INO80D: variants seen among roughly 807,000 people sequenced by gnomAD.
INO80D encodes the protein INO80 complex subunit D.
INO80D carries 21 observed loss-of-function variants against 87.6 expected under a neutral mutation model. That is an observed-to-expected ratio of 0.24 (90% CI 0.17 to 0.35). The LOEUF (loss-of-function observed/expected upper bound fraction) is 0.35. Among genes scored for constraint, INO80D ranks in the 10% least tolerant of loss-of-function variants. The pLI is 1.00. For missense variants in INO80D, 982 were observed against 1,280.7 expected (o/e 0.77, Z 3.56); for synonymous variants, 440 against 491.0 (o/e 0.90, Z 1.37).
At chr2:206,057,055 C>G in intron 3 of INO80D, 112 bp from the exon 4 acceptor site, 1 of 1,055,160 alleles carries the variant, frequency 9.5e-7, no homozygotes, top group South Asian at 1.7e-5. Flanking sequence ...TATAGTGACT[C>G]TTGGCAGCCA....
At chr2:206,030,746 A>AT (rs1449731000) in intron 5 of INO80D, among the ~76,000 whole-genome samples, 2 of 152,216 alleles carry the variant, frequency 1.3e-5, no homozygotes, top group Non-Finnish European at 2.9e-5. Context: ...AAGACTTGTA[A>AT]TTTTTTAAAT....
chr2:206,037,104 C>T (rs1003101143), intron 5 of INO80D, among the ~76,000 whole-genome samples: 1 of 152,140 alleles, frequency 6.6e-6, no homozygotes, highest in African/African-American at 2.4e-5. Flanking sequence ...TGTTTCCTTC[C>T]TTCTTTCTTT....
rs1022711951 is a variant in INO80D at position 206,085,540 on chromosome 2, G to A, written c.-124+361C>T. The A allele has an allele frequency of 6.7e-6, 1 of 150,152 alleles. No individual in the cohort carries two copies. The highest frequency in any genetic ancestry group is 2.4e-5 in the African/African-American group (1 of 41,136). 9.3% of individuals were successfully genotyped at this position (150,152 alleles called of 1,614,324 possible). A position where few individuals can be genotyped will look rare whatever the true frequency, so the allele number is the denominator to read the frequency against. ...GGCGCGCGGAGGCCCGGGGTGCGGG[G>A]GCAGGGCGCGGCTGCCGTGGGGCCT... is the stretch of plus-strand genomic sequence containing the variant. On this transcript the variant is annotated intron_variant, in intron 1 of 10. Transcript: ENST00000403263. The surrounding 1 kb of genome is among the most constrained non-coding windows in gnomAD (Gnocchi z 4.5).
In INO80D at chr2:206,026,858, G is replaced by A. The variant is rs763262624; in HGVS notation, c.1298+1253C>T. ...ACATTTCTGATATACAGATTTTCAC[G>A]AATGGAATATTATGTAAACATTATA... On this transcript the variant is annotated intron_variant, in intron 6 of 10. Coordinates refer to ENST00000403263, the MANE Select transcript of INO80D (RefSeq NM_017759.5). Among the ~76,000 whole-genome samples, 73 of 151,916 alleles carry A rather than the reference G, an allele frequency of 4.8e-4. 1 individual carries two copies. The highest frequency in any genetic ancestry group is 7.7e-4 in the Non-Finnish European group (52 of 67,942).
At position 206,003,950 on chromosome 2, in the gene INO80D, GGA is replaced by G; in HGVS notation, c.*416_*417del. On this transcript the variant is annotated 3_prime_UTR_variant, in exon 11 of 11. Coordinates refer to ENST00000403263, the MANE Select transcript of INO80D (RefSeq NM_017759.5). The stretch of plus-strand genomic sequence containing the variant: ...CACACCATTTGCTGTCTCTTATACA[GGA>G]ACTCAATTAATAAGATCATTCTATC... The G allele has an allele frequency of 2.1e-5, 4 of 187,442 alleles. No individual in the cohort carries two copies. Among genetic ancestry groups the G allele is most frequent in the South Asian group, 1.3e-4 (1 of 7,938 alleles). The allele number at this position is 187,442 out of a possible 1,614,324, so 11.6% of individuals were successfully genotyped here. A position where few individuals can be genotyped will look rare whatever the true frequency, so the allele number is the denominator to read the frequency against.
intron 4 of INO80D, among the ~76,000 whole-genome samples, chr2:206,050,700 G>A (rs1689334425): frequency 6.6e-6 from 1 of 152,064 alleles, no homozygotes; most frequent in African/African-American, 2.4e-5. Flanking sequence ...CGGGCGCGGT[G>A]GCTCACGCCT....
chr2:206,005,625 G>A (rs908841853), intron 10 of INO80D, 92 bp from the exon 11 acceptor site: 13 of 990,828 alleles, frequency 1.3e-5, no homozygotes, highest in African/African-American at 3.3e-5. Context: ...AACAATATTC[G>A]ATTTAAAGAG....
chr2:206,082,839 G>T (rs918215697), intron 1 of INO80D, among the ~76,000 whole-genome samples: 2 of 152,090 alleles, frequency 1.3e-5, no homozygotes, highest in African/African-American at 4.8e-5. Flanking sequence ...TTAATTTTGG[G>T]TGCTCTCAGA....
intron 8 of INO80D, among the ~76,000 whole-genome samples, chr2:206,014,522 G>A (rs1002862293): frequency 3.9e-5 from 6 of 152,092 alleles, no homozygotes; most frequent in Non-Finnish European, 8.8e-5. Flanking sequence ...TGCCCTGCAC[G>A]AGCTCTTTTT....
At chr2:206,013,171 T>G (rs1462735090) in intron 8 of INO80D, among the ~76,000 whole-genome samples, 1 of 152,174 alleles carries the variant, frequency 6.6e-6, no homozygotes, top group Non-Finnish European at 1.5e-5. Flanking sequence ...GTCTTAGGTT[T>G]GCCTCATTGA....
intron 5 of INO80D, among the ~76,000 whole-genome samples, chr2:206,043,428 C>T (rs537266076): frequency 1.3e-5 from 2 of 151,706 alleles, no homozygotes; most frequent in South Asian, 4.2e-4. Context: ...CTTCGGCCTC[C>T]CAAAGTGCTG....
In INO80D at chr2:206,009,042, G is replaced by T. The variant is rs72951155; in HGVS notation, c.1760+535C>A. 9.8e-3 allele frequency among the ~76,000 whole-genome samples: 1,489 copies of T among 152,346 alleles called. 13 individuals are homozygous for T. The highest frequency in any genetic ancestry group is 0.044 in the Middle Eastern group (13 of 294). On this transcript the variant is annotated intron_variant, in intron 9 of 10. Transcript: ENST00000403263. ...AAAAGTTAAGAGACTAGGTATAGTGGTTCATGCCTGTATTCCCAGCACTTT... is the reference window on the plus strand; with the variant it reads ...AAAAGTTAAGAGACTAGGTATAGTGTTTCATGCCTGTATTCCCAGCACTTT...
intron 5 of INO80D, among the ~76,000 whole-genome samples, chr2:206,033,667 C>T (rs1688824417): frequency 6.6e-6 from 1 of 152,110 alleles, no homozygotes; most frequent in Non-Finnish European, 1.5e-5. Context: ...TCTAAGGTCA[C>T]ACCTCAAGGA....
Position 206,019,748 on chromosome 2 carries a change from G to A in INO80D, c.1396C>T (p.His466Tyr). The part of the protein sequence containing the change: ...CANKALPFTR[H>Y]CFQHILLNHS... ...GTTGAAAGGATACGTTGGAAACAAT[G>A]TCTGGTGAATGGAAGGGCTTTGTTA... Residue 466 changes from histidine to tyrosine, a missense_variant, in exon 7 of 11, where the codon CAT becomes TAT. Physicochemically the swap from His to Tyr is moderately conservative, Grantham distance 83. Coordinates refer to ENST00000403263, the MANE Select transcript of INO80D (RefSeq NM_017759.5). The A allele has an allele frequency of 6.2e-7, 1 of 1,613,306 alleles. No homozygotes were observed. Among genetic ancestry groups the A allele is most frequent in the Admixed American group, 1.7e-5 (1 of 59,976 alleles).
intron 10 of INO80D, 62 bp from the exon 11 acceptor site, chr2:206,005,595 C>T: frequency 8.1e-7 from 1 of 1,240,868 alleles, no homozygotes; most frequent in Non-Finnish European, 1.1e-6. Context: ...TCACAAAAAT[C>T]ACACATTTGA....
Position 206,062,761 on chromosome 2 carries a change from A to G in INO80D, c.218+38T>C. 1.3e-6 allele frequency: 2 copies of G among 1,525,464 alleles called. No individual in the cohort carries two copies. The highest frequency in any genetic ancestry group is 1.9e-4 in the Middle Eastern group (1 of 5,198). The allele number at this position is 1,525,464 out of a possible 1,614,324, so 94.5% of individuals were successfully genotyped here. ...GAAAAGAAAAAATTCCAAGCCTGTT[A>G]ATGAAATCAAGGATTGATTCTCATG... On this transcript the variant is annotated intron_variant, in intron 3 of 10. Coordinates refer to ENST00000403263, the MANE Select transcript of INO80D (RefSeq NM_017759.5). The surrounding 1 kb of genome is among the most constrained non-coding windows in gnomAD (Gnocchi z 4.6).
In INO80D at chr2:206,019,788, C is replaced by T; in HGVS notation, c.1356G>A (p.Lys452=). ...GGGCTTTGTTAGCGCACTGTTCACC[C>T]TTCACGGTTCCACTGCATGCTGCTG... ...VEPAACSGTV[K]GEQCANKALP... is the part of the protein sequence containing the mutation. Residue 452 remains lysine (K), a synonymous_variant, in exon 7 of 11, where the codon AAG becomes AAA. Transcript: ENST00000403263. 1 of 1,613,926 alleles carries T rather than the reference C, an allele frequency of 6.2e-7. No individual in the cohort carries two copies. The highest frequency in any genetic ancestry group is 8.5e-7 in the Non-Finnish European group (1 of 1,179,856).
At position 206,000,232 on chromosome 2, in the gene INO80D, T is replaced by C. The variant is rs1008033319; in HGVS notation, c.*4136A>G. ...GAAAGATGAAGAAACTGAAAACTAA[T>C]TTTTAATGAATTTCAAACCTCTTAA... On this transcript the variant is annotated 3_prime_UTR_variant, in exon 11 of 11. Coordinates refer to ENST00000403263, the MANE Select transcript of INO80D (RefSeq NM_017759.5). The C allele has an allele frequency of 2.0e-5, 3 of 152,086 alleles. No individual in the cohort carries two copies. The highest frequency in any genetic ancestry group is 4.4e-5 in the Non-Finnish European group (3 of 68,018). 9.4% of individuals were successfully genotyped at this position (152,086 alleles called of 1,614,324 possible). A position where few individuals can be genotyped will look rare whatever the true frequency, so the allele number is the denominator to read the frequency against.
intron 1 of INO80D, among the ~76,000 whole-genome samples, chr2:206,074,356 G>T (rs1690053096): frequency 6.6e-6 from 1 of 152,210 alleles, no homozygotes; most frequent in South Asian, 2.1e-4. Context: ...GGTCACGCCT[G>T]TAATCCCAGC....
Sources: gnomAD v4.1 joint callset for allele counts (sites outside exome capture counted in the v4.1 genomes callset) on GRCh38, gnomAD v4.1.1 for gene constraint, Gnocchi (gnomAD v3.1) non-coding constraint, MANE v1.5 for transcripts, NCBI Gene and HGNC (gene_info 2026-07-23, HGNC 2026-07-21) for gene names.